Variants in COL14A1 observed in about 807,000 individuals in gnomAD.
COL14A1 encodes the protein collagen alpha-1(XIV) chain.
COL14A1 carries 136 observed loss-of-function variants against 230.3 expected under a neutral mutation model. The observed-to-expected ratio is 0.59, with a 90% CI of 0.51 to 0.68. The LOEUF is 0.68. Ranked by LOEUF, COL14A1 falls within the 30% of genes least tolerant of loss-of-function variation. The pLI, the probability that COL14A1 is intolerant of heterozygous loss-of-function variation, is 0.00. For missense variants in COL14A1, 1,976 were observed against 2,215.8 expected (o/e 0.89, Z 2.17); for synonymous variants, 792 against 784.1 (o/e 1.01, Z -0.17).
intron 19 of COL14A1, among the ~76,000 whole-genome samples, chr8:120,234,967 A>G (rs1403585552): frequency 6.6e-6 from 1 of 152,138 alleles, no homozygotes; most frequent in Non-Finnish European, 1.5e-5. Flanking sequence ...TTGGTAGGCT[A>G]TTAATTACTG....
At chr8:120,145,621 A>G (rs558632189) in intron 1 of COL14A1, among the ~76,000 whole-genome samples, 1 of 152,204 alleles carries the variant, frequency 6.6e-6, no homozygotes, top group African/African-American at 2.4e-5. Context: ...CTGTCTCAAA[A>G]CAAACAAACA....
intron 14 of COL14A1, among the ~76,000 whole-genome samples, chr8:120,221,845 G>A (rs765510115): frequency 6.6e-5 from 10 of 152,312 alleles, no homozygotes; most frequent in Middle Eastern, 3.4e-3. Context: ...GTAAAGGTGG[G>A]TGGGAGAGAC....
At chr8:120,257,914 G>A (rs2129732527) in intron 23 of COL14A1, among the ~76,000 whole-genome samples, 1 of 152,168 alleles carries the variant, frequency 6.6e-6, no homozygotes, top group East Asian at 1.9e-4. Flanking sequence ...CTGAGATTAA[G>A]TCAGTAATGA....
At chr8:120,357,986 A>G (rs1180111824) in intron 45 of COL14A1, among the ~76,000 whole-genome samples, 1 of 152,238 alleles carries the variant, frequency 6.6e-6, no homozygotes, top group Non-Finnish European at 1.5e-5. Flanking sequence ...ACAAAGAACG[A>G]GAGAAAAAAA....
chr8:120,213,449 T>C (rs1817667735), intron 13 of COL14A1, among the ~76,000 whole-genome samples: 2 of 152,134 alleles, frequency 1.3e-5, no homozygotes, highest in Non-Finnish European at 2.9e-5. Flanking sequence ...AAATAGAAGT[T>C]TAATGATAAA....
intron 2 of COL14A1, among the ~76,000 whole-genome samples, chr8:120,156,622 C>T (rs144564085): frequency 1.7e-3 from 255 of 152,130 alleles, no homozygotes; most frequent in Non-Finnish European, 2.9e-3. Flanking sequence ...ATGTATGTTT[C>T]GAAGATTAAG....
chr8:120,192,602 G>A (rs1816866216), intron 5 of COL14A1, among the ~76,000 whole-genome samples: 1 of 152,188 alleles, frequency 6.6e-6, no homozygotes, highest in Non-Finnish European at 1.5e-5. Flanking sequence ...TGCCTTGCTA[G>A]ATTGGTGAAG....
intron 17 of COL14A1, among the ~76,000 whole-genome samples, chr8:120,228,279 A>G (rs1189938972): frequency 6.6e-6 from 1 of 152,226 alleles, no homozygotes; most frequent in Non-Finnish European, 1.5e-5. Context: ...CTATATGCCC[A>G]CGGTGGCTGT....
At chr8:120,287,535 T>G (rs1820241180) in intron 33 of COL14A1, among the ~76,000 whole-genome samples, 1 of 152,236 alleles carries the variant, frequency 6.6e-6, no homozygotes, top group African/African-American at 2.4e-5. Context: ...CTTGTAATTC[T>G]CATTCCAAAG....
chr8:120,197,851 C>T lies in COL14A1; in HGVS notation c.633C>T (p.His211=). ...GTGGTGACCCCAGAATAGAATGGCA[C>T]TTGAATGCATTTAGCACAAAAGATG... is the stretch of plus-strand genomic sequence containing the variant. ...QYSGDPRIEW[H]LNAFSTKDEV... Residue 211 remains histidine, a synonymous_variant, in exon 7 of 48, where the codon CAC becomes CAT. Coordinates refer to ENST00000297848, the MANE Select transcript of COL14A1 (RefSeq NM_021110.4). 2.5e-6 allele frequency: 4 copies of T among 1,613,548 alleles called. No individual in the cohort carries two copies. Among genetic ancestry groups the T allele is most frequent in the Non-Finnish European group, 3.4e-6 (4 of 1,179,652 alleles).
chr8:120,203,015 T>A (rs1467515559), intron 8 of COL14A1, among the ~76,000 whole-genome samples: 1 of 130,548 alleles, frequency 7.7e-6, no homozygotes, highest in African/African-American at 2.8e-5. Context: ...TATATATATA[T>A]ATATATTTGT....
chr8:120,240,699 G>A (rs149783828), intron 19 of COL14A1, among the ~76,000 whole-genome samples: 1 of 152,286 alleles, frequency 6.6e-6, no homozygotes, highest in Non-Finnish European at 1.5e-5. Flanking sequence ...GTTATACACT[G>A]TGTACTATAA....
At chr8:120,152,309 A>G (rs1194317155) in intron 2 of COL14A1, among the ~76,000 whole-genome samples, 1 of 151,812 alleles carries the variant, frequency 6.6e-6, no homozygotes, top group Non-Finnish European at 1.5e-5. Context: ...AAAATACAAA[A>G]AAAATTAGCC....
intron 14 of COL14A1, among the ~76,000 whole-genome samples, chr8:120,216,731 T>C (rs1817762724): frequency 6.6e-6 from 1 of 152,172 alleles, no homozygotes; most frequent in Non-Finnish European, 1.5e-5. Context: ...TCATGGCATC[T>C]TTACTCATGT....
At position 120,313,979 on chromosome 8, in the gene COL14A1, T is replaced by C; in HGVS notation, c.4503T>C (p.Gly1501=). ...RGEIGLPGPQ[G]PPGPQGPSGL... ...AAATTGGTCTGCCAGGACCTCAGGG[T>C]CCACCTGGACCTCAAGGACCAAGTG... Residue 1501 remains glycine, a synonymous_variant, in exon 38 of 48, where the codon GGT becomes GGC. Coordinates refer to ENST00000297848, the MANE Select transcript of COL14A1 (RefSeq NM_021110.4). 1 of 1,613,014 alleles carries C rather than the reference T, an allele frequency of 6.2e-7. No individual in the cohort carries two copies. Among genetic ancestry groups the C allele is most frequent in the Non-Finnish European group, 8.5e-7 (1 of 1,179,544 alleles).
chr8:120,262,731 A>C, intron 23 of COL14A1, 137 bp from the exon 24 acceptor site: 1 of 767,298 alleles, frequency 1.3e-6, no homozygotes, highest in Non-Finnish European at 2.0e-6. Flanking sequence ...ACAATACTTC[A>C]AACAAATATA....
chr8:120,272,311 C>G (rs911682334), intron 26 of COL14A1, among the ~76,000 whole-genome samples: 9 of 151,628 alleles, frequency 5.9e-5, no homozygotes, highest in African/African-American at 2.2e-4. Flanking sequence ...AATTTGGAAA[C>G]AAAAGGTTGA....
intron 34 of COL14A1, 142 bp from the exon 35 acceptor site, chr8:120,297,369 T>G: frequency 5.1e-6 from 2 of 391,776 alleles, no homozygotes; most frequent in Non-Finnish European, 4.4e-6. Context: ...TAGTTTGACA[T>G]TGTTGGAGTT....
chr8:120,306,228 G>A (rs1228917596), intron 36 of COL14A1, among the ~76,000 whole-genome samples: 1 of 151,980 alleles, frequency 6.6e-6, no homozygotes, highest in Non-Finnish European at 1.5e-5. Context: ...ATAGCAGGAG[G>A]GTTTTCAAGT....
Sources: gnomAD v4.1 joint callset for allele counts (sites outside exome capture counted in the v4.1 genomes callset) on GRCh38, gnomAD v4.1.1 for gene constraint, MANE v1.5 for transcripts, NCBI Gene and HGNC (gene_info 2026-07-23, HGNC 2026-07-21) for gene names.